The following CEBPG variants were observed in gnomAD, a reference collection of about 807,000 sequenced individuals.
CEBPG encodes CCAAT enhancer binding protein gamma, also known as CCAAT/enhancer-binding protein gamma.
A neutral mutation model predicts 11.1 loss-of-function variants in CEBPG; 6 were observed. The ratio of observed to expected loss-of-function variants is 0.54; its 90% CI spans 0.30 to 1.07. CEBPG has a LOEUF of 1.07. CEBPG is among the 50% of genes least tolerant of loss of function. The pLI, the probability that CEBPG is intolerant of heterozygous loss-of-function variation, is 0.07. For synonymous variants in CEBPG, 66 were observed against 71.0 expected (o/e 0.93, Z 0.36); for missense variants, 161 against 187.4 (o/e 0.86, Z 0.82).
At position 33,379,750 on chromosome 19, in the gene CEBPG, G is replaced by A. The variant is rs932943654; in HGVS notation, c.*58G>A. The stretch of plus-strand genomic sequence containing the variant: ...CTTGAATGTTAAAGGTGTGACCACC[G>A]ACACCACTCATGTCAATGGCTGAAA... On this transcript the variant is annotated 3_prime_UTR_variant, in exon 2 of 2. Coordinates refer to ENST00000284000, the MANE Select transcript of CEBPG (RefSeq NM_001806.4). 8 of 1,451,866 alleles carry A rather than the reference G, an allele frequency of 5.5e-6. No homozygotes were observed. The highest frequency in any genetic ancestry group is 1.4e-5 in the South Asian group (1 of 73,378). 89.9% of individuals were successfully genotyped at this position (1,451,866 alleles called of 1,614,324 possible).
Position 33,379,740 on chromosome 19 carries a change from T to G in CEBPG, c.*48T>G. The G allele has an allele frequency of 6.6e-7, 1 of 1,508,080 alleles. No homozygotes were observed. The allele number at this position is 1,508,080 out of a possible 1,614,324, so 93.4% of individuals were successfully genotyped here. On this transcript the variant is annotated 3_prime_UTR_variant, in exon 2 of 2. Coordinates refer to ENST00000284000, the MANE Select transcript of CEBPG (RefSeq NM_001806.4). ...GAGCTTGTGGCTTGAATGTTAAAGG[T>G]GTGACCACCGACACCACTCATGTCA...
At position 33,381,538 on chromosome 19, in the gene CEBPG, A is replaced by G. The variant is rs1459834129; in HGVS notation, c.*1846A>G. 6.0e-6 allele frequency: 1 copy of G among 167,028 alleles called. No homozygotes were observed. The highest frequency in any genetic ancestry group is 1.5e-5 in the Non-Finnish European group (1 of 68,124). 10.3% of individuals were successfully genotyped at this position (167,028 alleles called of 1,614,324 possible). On this transcript the variant is annotated 3_prime_UTR_variant, in exon 2 of 2. Coordinates refer to ENST00000284000, the MANE Select transcript of CEBPG (RefSeq NM_001806.4). ...CCCATGAAGGATGAGAGATGTTTTG[A>G]AAAACTAGCCAGGACACACCCACAG...
intron 1 of CEBPG, among the ~76,000 whole-genome samples, chr19:33,375,352 A>G (rs1967899407): frequency 6.6e-6 from 1 of 152,114 alleles, no homozygotes; most frequent in South Asian, 2.1e-4. Context: ...CTCGTGGTCT[A>G]AGATTGCCTC....
In CEBPG at chr19:33,379,474, A is replaced by T; in HGVS notation, c.235A>T (p.Ser79Cys). The T allele has an allele frequency of 6.2e-7, 1 of 1,614,112 alleles. No homozygotes were observed. The highest frequency in any genetic ancestry group is 8.5e-7 in the Non-Finnish European group (1 of 1,180,024). Residue 79 changes from serine to cysteine, a missense_variant, in exon 2 of 2, where the codon AGC (serine) becomes TGC (cysteine). By Grantham distance (112) the Ser-to-Cys change is moderately radical. Transcript: ENST00000284000. ...GAGGAACAACATGGCTGTGAAAAAGAGCCGGTTGAAAAGCAAGCAGAAAGC... is the reference window on the plus strand; with the variant it reads ...GAGGAACAACATGGCTGTGAAAAAGTGCCGGTTGAAAAGCAAGCAGAAAGC... The part of the protein sequence containing the change: ...RERNNMAVKK[S>C]RLKSKQKAQD...
At chr19:33,375,850 A>G (rs1168195511) in intron 1 of CEBPG, among the ~76,000 whole-genome samples, 1 of 152,138 alleles carries the variant, frequency 6.6e-6, no homozygotes, top group African/African-American at 2.4e-5. Context: ...GGGAGGAGAG[A>G]GGGTCAGGAC....
intron 1 of CEBPG, among the ~76,000 whole-genome samples, chr19:33,375,531 TAATGGATGTTCATTTACA>T (rs1325904911): frequency 2.0e-5 from 3 of 152,238 alleles, no homozygotes; most frequent in Non-Finnish European, 4.4e-5. Flanking sequence ...CATGACCTCC[TAATGGATGTTCATTTACA>T]AATAGTCTAT....
In CEBPG at chr19:33,379,296, C is replaced by T; in HGVS notation, c.57C>T (p.Ile19=). 1.2e-6 allele frequency: 2 copies of T among 1,604,070 alleles called. No homozygotes were observed. The highest frequency in any genetic ancestry group is 1.1e-5 in the South Asian group (1 of 90,120). ...CAGGGGTGAACGGAATTAGTGTTAT[C>T]CATACCCAGGCACATGCCAGCGGCT... ...STPGVNGISV[I]HTQAHASGLQ... The change falls in exon 2 of 2, where the codon ATC becomes ATT. Residue 19 remains isoleucine, a synonymous_variant. Transcript: ENST00000284000.
At position 33,380,682 on chromosome 19, in the gene CEBPG, C is replaced by T. The variant is rs1255609422; in HGVS notation, c.*990C>T. On this transcript the variant is annotated 3_prime_UTR_variant, in exon 2 of 2. Transcript: ENST00000284000. ...TAAAGTCAAAATTTTCTTCTGAAGG[C>T]TCATTTTGGTATTTGATCTTAACCA... 6.0e-6 allele frequency: 1 copy of T among 166,916 alleles called. No individual in the cohort carries two copies. The highest frequency in any genetic ancestry group is 1.5e-5 in the Non-Finnish European group (1 of 68,106). 10.3% of individuals were successfully genotyped at this position (166,916 alleles called of 1,614,324 possible).
chr19:33,374,875 G>T (rs1286702481), intron 1 of CEBPG, among the ~76,000 whole-genome samples: 1 of 152,216 alleles, frequency 6.6e-6, no homozygotes, highest in Non-Finnish European at 1.5e-5. Context: ...TTCTCCCAAA[G>T]AAATGTGACT....
Position 33,379,862 on chromosome 19 carries a change from T to C in CEBPG, c.*170T>C. ...AGTTGATTAGCTAAAAATGTTAGCCTTGTAATTCGAATATCTGGTTTTAAA... is the reference window on the plus strand; with the variant it reads ...AGTTGATTAGCTAAAAATGTTAGCCCTGTAATTCGAATATCTGGTTTTAAA... On this transcript the variant is annotated 3_prime_UTR_variant, in exon 2 of 2. Coordinates refer to ENST00000284000, the MANE Select transcript of CEBPG (RefSeq NM_001806.4). 1 of 567,922 alleles carries C rather than the reference T, an allele frequency of 1.8e-6. No homozygotes were observed. Among genetic ancestry groups the C allele is most frequent in the Non-Finnish European group, 3.0e-6 (1 of 328,692 alleles). The allele number at this position is 567,922 out of a possible 1,614,324, so 35.2% of individuals were successfully genotyped here.
intron 1 of CEBPG, among the ~76,000 whole-genome samples, chr19:33,374,978 C>T (rs1967895357): frequency 6.6e-6 from 1 of 152,198 alleles, no homozygotes; most frequent in Admixed American, 6.5e-5. Context: ...ATGTGGTCAT[C>T]TGTTAGCCCT....
rs145645932 is a variant in CEBPG at position 33,379,131 on chromosome 19, AT to A, written c.-96-7del. 5.8e-3 allele frequency: 5,420 copies of A among 930,926 alleles called. 200 individuals carry two copies. The African/African-American group carries it at 0.076, about 13-fold the overall frequency. 57.7% of individuals were successfully genotyped at this position (930,926 alleles called of 1,614,324 possible). ...CATTTCAAATATTTTAATGCAATTT[AT>A]TTTTTAACTAGGTACATGTGAAGAT... On this transcript the variant is annotated splice_polypyrimidine_tract_variant and intron_variant, in intron 1 of 1. Transcript: ENST00000284000.
intron 1 of CEBPG, among the ~76,000 whole-genome samples, chr19:33,378,490 A>G (rs527594227): frequency 1.3e-5 from 2 of 152,316 alleles, no homozygotes; most frequent in South Asian, 4.1e-4. Context: ...ATGGGGAGCA[A>G]ATTGAGTGTC....
rs1967989491 is a variant in CEBPG at position 33,381,574 on chromosome 19, G to T, written c.*1882G>T. 1 of 167,036 alleles carries T rather than the reference G, an allele frequency of 6.0e-6. No homozygotes were observed. Among genetic ancestry groups the T allele is most frequent in the African/African-American group, 2.4e-5 (1 of 41,426 alleles). 10.3% of individuals were successfully genotyped at this position (167,036 alleles called of 1,614,324 possible). ...AGGACACACCCACAGGATCCTACTGGCTCCTTAGCAGCTGATTGGTGTTAC... is the reference window on the plus strand; with the variant it reads ...AGGACACACCCACAGGATCCTACTGTCTCCTTAGCAGCTGATTGGTGTTAC... On this transcript the variant is annotated 3_prime_UTR_variant, in exon 2 of 2. Transcript: ENST00000284000.
In CEBPG at chr19:33,382,494, ATTGTT is replaced by A. The variant is rs1968002359; in HGVS notation, c.*2809_*2813del. The A allele has an allele frequency of 6.0e-6, 1 of 167,042 alleles. No homozygotes were observed. The highest frequency in any genetic ancestry group is 6.5e-5 in the Admixed American group (1 of 15,284). The allele number at this position is 167,042 out of a possible 1,614,324, so 10.3% of individuals were successfully genotyped here. On this transcript the variant is annotated 3_prime_UTR_variant, in exon 2 of 2. Coordinates refer to ENST00000284000, the MANE Select transcript of CEBPG (RefSeq NM_001806.4). ...CAGTGCTTTCTGATGCCTTAGGAGAATTGTTTTGTTTCACAAAAGCTGGGAAGGAA... is the reference window on the plus strand; with the variant it reads ...CAGTGCTTTCTGATGCCTTAGGAGAATTGTTTCACAAAAGCTGGGAAGGAA...
intron 1 of CEBPG, among the ~76,000 whole-genome samples, chr19:33,376,215 G>A (rs1967910568): frequency 1.3e-5 from 2 of 152,118 alleles, no homozygotes; most frequent in South Asian, 4.1e-4. Context: ...AGGAATATTG[G>A]GTTCTAGGTC....
At chr19:33,377,879 A>G (rs1358649035) in intron 1 of CEBPG, among the ~76,000 whole-genome samples, 1 of 152,230 alleles carries the variant, frequency 6.6e-6, no homozygotes, top group Non-Finnish European at 1.5e-5. Flanking sequence ...AGTGTACAGA[A>G]TTGCCTGGCT....
At position 33,377,499 on chromosome 19, in the gene CEBPG, G is replaced by A. The variant is rs181170967; in HGVS notation, c.-96-1645G>A. ...GATTATGATTGTTAAGACAGTCTCA[G>A]GGGAGGTGTTAAACAAGTTCTTAAA... On this transcript the variant is annotated intron_variant, in intron 1 of 1. Coordinates refer to ENST00000284000, the MANE Select transcript of CEBPG (RefSeq NM_001806.4). 2.0e-5 allele frequency among the ~76,000 whole-genome samples: 3 copies of A among 152,324 alleles called. No individual in the cohort carries two copies. In the East Asian group the frequency reaches 5.8e-4, roughly 29 times the overall value.
chr19:33,380,540 T>C lies in CEBPG; in HGVS notation c.*848T>C, dbSNP rs1304339906. 1 of 167,104 alleles carries C rather than the reference T, an allele frequency of 6.0e-6. No individual in the cohort carries two copies. The highest frequency in any genetic ancestry group is 1.5e-5 in the Non-Finnish European group (1 of 68,134). The allele number at this position is 167,104 out of a possible 1,614,324, so 10.4% of individuals were successfully genotyped here. On this transcript the variant is annotated 3_prime_UTR_variant, in exon 2 of 2. Transcript: ENST00000284000. ...TTGGATACAATTTTGACAACCAAGT[T>C]AGTAAACAAAATATCTTAACAGTTT...
Sources: allele counts gnomAD v4.1 joint callset (sites outside exome capture counted in the v4.1 genomes callset), GRCh38; gene constraint gnomAD v4.1.1; transcripts MANE v1.5; gene names NCBI Gene and HGNC (gene_info 2026-07-23, HGNC 2026-07-21).